The following PAIP2B variants were observed in gnomAD, a reference collection of about 807,000 sequenced individuals.
The protein encoded by PAIP2B is polyadenylate-binding protein-interacting protein 2B.
In PAIP2B, 13 loss-of-function variants were observed where a neutral mutation model predicts 17.0. The observed-to-expected ratio is 0.76, with a 90% CI of 0.50 to 1.22. The LOEUF (loss-of-function observed/expected upper bound fraction) is 1.22, where lower values mean the gene tolerates loss of function less well. Among genes scored for constraint, PAIP2B ranks in the 50% most tolerant of loss-of-function variants. The probability of loss-of-function intolerance (pLI) is 0.00; values close to 1 mark genes in which losing one functional copy is unlikely to be tolerated. For synonymous variants in PAIP2B, 43 were observed against 48.7 expected (o/e 0.88, Z 0.48); for missense variants, 117 against 144.5 (o/e 0.81, Z 0.98).
chr2:71,204,764 G>A (rs1480164302), intron 1 of PAIP2B, among the ~76,000 whole-genome samples: 1 of 152,110 alleles, frequency 6.6e-6, no homozygotes, highest in Admixed American at 6.6e-5. Flanking sequence ...AGTGATAGAA[G>A]CAAGTCTGTT....
rs1262698984 is a variant in PAIP2B at position 71,182,916 on chromosome 2, A to AAC, written c.*5562_*5563insGT. On this transcript the variant is annotated 3_prime_UTR_variant, in exon 4 of 4. Coordinates refer to ENST00000244221, the MANE Select transcript of PAIP2B (RefSeq NM_020459.1). ...ACTACCAAGTAATGATTAGGGGAAA[A>AAC]AAAGCAAAAACAGCTTTATAAACAC... The AAC allele has an allele frequency of 1.2e-3, 1 of 804 alleles. No homozygotes were observed. The highest frequency in any genetic ancestry group is 1.7e-3 in the Non-Finnish European group (1 of 584). 0.0% of individuals were successfully genotyped at this position (804 alleles called of 1,614,324 possible).
At chr2:71,213,136 A>C (rs1021283396) in intron 1 of PAIP2B, among the ~76,000 whole-genome samples, 1 of 152,206 alleles carries the variant, frequency 6.6e-6, no homozygotes, top group Non-Finnish European at 1.5e-5. Context: ...CCAAATGACT[A>C]TAACATTCTC....
intron 2 of PAIP2B, among the ~76,000 whole-genome samples, chr2:71,196,169 C>T (rs541015119): frequency 6.6e-6 from 1 of 152,256 alleles, no homozygotes; most frequent in African/African-American, 2.4e-5. Context: ...ATGAATTTCC[C>T]TCTTAACACT....
intron 1 of PAIP2B, among the ~76,000 whole-genome samples, chr2:71,219,822 A>C (rs1203162928): frequency 6.6e-6 from 1 of 152,178 alleles, no homozygotes; most frequent in Non-Finnish European, 1.5e-5. Flanking sequence ...AACACTTTTA[A>C]TTGGTTTCTT....
At chr2:71,211,081 T>C (rs1306486839) in intron 1 of PAIP2B, among the ~76,000 whole-genome samples, 2 of 152,122 alleles carry the variant, frequency 1.3e-5, no homozygotes, top group Non-Finnish European at 2.9e-5. Context: ...ACCCCGTCTC[T>C]ACTAAAAATA....
intron 2 of PAIP2B, among the ~76,000 whole-genome samples, chr2:71,201,006 TGG>T (rs1491442320): frequency 0.13 from 4,147 of 31,204 alleles, 79 homozygotes; most frequent in South Asian, 0.27. Context: ...TTTGTGTGTG[TGG>T]GTGTGTGTGT....
At chr2:71,199,064 T>C (rs2103775437) in intron 2 of PAIP2B, among the ~76,000 whole-genome samples, 1 of 152,266 alleles carries the variant, frequency 6.6e-6, no homozygotes, top group African/African-American at 2.4e-5. Flanking sequence ...GAACTGTTTT[T>C]TCCCTTCAAT....
At chr2:71,190,625 A>G (rs1300955539) in intron 2 of PAIP2B, among the ~76,000 whole-genome samples, 2 of 152,208 alleles carry the variant, frequency 1.3e-5, no homozygotes, top group Non-Finnish European at 2.9e-5. Context: ...ATGTTCTACG[A>G]TCTCTAATAG....
chr2:71,208,291 G>C (rs747610054), intron 1 of PAIP2B, among the ~76,000 whole-genome samples: 3 of 152,098 alleles, frequency 2.0e-5, no homozygotes, highest in Non-Finnish European at 4.4e-5. Flanking sequence ...GAATGTGGTG[G>C]TACATGCCAG....
chr2:71,212,262 A>G (rs1675320679), intron 1 of PAIP2B, among the ~76,000 whole-genome samples: 1 of 152,210 alleles, frequency 6.6e-6, no homozygotes, highest in Admixed American at 6.5e-5. Context: ...GGTCTTCCCC[A>G]TCTTCACCTC....
intron 1 of PAIP2B, among the ~76,000 whole-genome samples, chr2:71,216,189 G>A (rs1358127792): frequency 6.6e-6 from 1 of 152,082 alleles, no homozygotes; most frequent in Non-Finnish European, 1.5e-5. Context: ...CAAAGGTTTC[G>A]ATTTAATAAG....
At chr2:71,204,364 G>C (rs1675068561) in intron 1 of PAIP2B, among the ~76,000 whole-genome samples, 1 of 152,000 alleles carries the variant, frequency 6.6e-6, no homozygotes, top group Admixed American at 6.6e-5. Flanking sequence ...TCTGTTTCTG[G>C]ATACAGTAAA....
At position 71,187,856 on chromosome 2, in the gene PAIP2B, T is replaced by A. The variant is rs1674577640; in HGVS notation, c.*623A>T. 1 of 153,128 alleles carries A rather than the reference T, an allele frequency of 6.5e-6. No individual in the cohort carries two copies. Among genetic ancestry groups the A allele is most frequent in the Non-Finnish European group, 1.5e-5 (1 of 68,580 alleles). 9.5% of individuals were successfully genotyped at this position (153,128 alleles called of 1,614,324 possible). ...AGCCCTACCTTCTGATTTACAACTT[T>A]CAACAATCATCAAAAGTTACTGTAA... On this transcript the variant is annotated 3_prime_UTR_variant, in exon 4 of 4. Coordinates refer to ENST00000244221, the MANE Select transcript of PAIP2B (RefSeq NM_020459.1).
rs1366708669 is a variant in PAIP2B, at chr2:71,186,062, A to T, written c.*2417T>A. The T allele has an allele frequency of 1.3e-5, 2 of 152,232 alleles. No individual in the cohort carries two copies. Among genetic ancestry groups the T allele is most frequent in the Non-Finnish European group, 2.9e-5 (2 of 68,048 alleles). The allele number at this position is 152,232 out of a possible 1,614,324, so 9.4% of individuals were successfully genotyped here. On this transcript the variant is annotated 3_prime_UTR_variant, in exon 4 of 4. Coordinates refer to ENST00000244221, the MANE Select transcript of PAIP2B (RefSeq NM_020459.1). ...AACATCAAAATTACCCCTTATAAAT[A>T]CAAGTCTTACCATTAAAGGGTAAAG... is the stretch of plus-strand genomic sequence containing the variant.
intron 2 of PAIP2B, among the ~76,000 whole-genome samples, chr2:71,198,383 T>A (rs1353656456): frequency 6.6e-6 from 1 of 151,812 alleles, no homozygotes; most frequent in South Asian, 2.1e-4. Flanking sequence ...CCTCCTGGGT[T>A]CACACCATTC....
At chr2:71,196,146 G>A (rs1412681953) in intron 2 of PAIP2B, among the ~76,000 whole-genome samples, 2 of 152,018 alleles carry the variant, frequency 1.3e-5, no homozygotes, top group Admixed American at 1.3e-4. Flanking sequence ...TTGTGAGGTG[G>A]GCATTTAGTG....
At chr2:71,208,317 G>A (rs1364878183) in intron 1 of PAIP2B, among the ~76,000 whole-genome samples, 7 of 152,012 alleles carry the variant, frequency 4.6e-5, no homozygotes, top group Admixed American at 3.9e-4. Flanking sequence ...CCAGCTACTC[G>A]GAGGCTGAGG....
intron 1 of PAIP2B, among the ~76,000 whole-genome samples, chr2:71,223,947 A>G (rs1490118483): frequency 6.6e-6 from 1 of 152,178 alleles, no homozygotes; most frequent in African/African-American, 2.4e-5. Flanking sequence ...TGGATCCCAT[A>G]TTTGCAAATT....
chr2:71,191,786 G>A (rs1030810645), intron 2 of PAIP2B, among the ~76,000 whole-genome samples: 1 of 152,192 alleles, frequency 6.6e-6, no homozygotes, highest in African/African-American at 2.4e-5. Context: ...TATATGCCCT[G>A]GGGGTGGCAG....
Sources: allele counts gnomAD v4.1 joint callset (sites outside exome capture counted in the v4.1 genomes callset), GRCh38; gene constraint gnomAD v4.1.1; transcripts MANE v1.5; gene names NCBI Gene and HGNC (gene_info 2026-07-23, HGNC 2026-07-21).